Variants in FRYL observed in about 807,000 individuals in gnomAD.
FRYL encodes protein furry homolog-like.
In FRYL, 150 loss-of-function variants were observed where a neutral mutation model predicts 351.2. The observed-to-expected ratio is 0.43, with a 90% CI of 0.37 to 0.49. The LOEUF is 0.49. FRYL is among the 20% of genes least tolerant of loss of function. The pLI, the probability that FRYL is intolerant of heterozygous loss-of-function variation, is 0.00. For synonymous variants in FRYL, 1,153 were observed against 1,257.1 expected (o/e 0.92, Z 1.75); for missense variants, 3,036 against 3,619.3 (o/e 0.84, Z 4.13).
chr4:48,505,280 G>A, intron 60 of FRYL: 1 of 473,748 alleles, frequency 2.1e-6, no homozygotes, highest in Non-Finnish European at 3.9e-6. Context: ...AAGCCGACCT[G>A]GACTGTCCAG....
chr4:48,557,532 C>A lies in FRYL; in HGVS notation c.4046G>T (p.Arg1349Leu), dbSNP rs201697077. 6.8e-6 allele frequency: 11 copies of A among 1,614,114 alleles called. No individual in the cohort carries two copies. Among genetic ancestry groups the A allele is most frequent in the African/African-American group, 1.3e-5 (1 of 75,028 alleles). Residue 1349 changes from arginine to leucine, a missense_variant, in exon 34 of 64, where the codon CGC (arginine) becomes CTC (leucine). Physicochemically the swap from Arg to Leu is moderately radical, Grantham distance 102. Around this residue, in one of 7 missense-constraint regions of FRYL, gnomAD observed 1,987 missense variants for 2,311.7 expected, o/e 0.86. Coordinates refer to ENST00000358350, the MANE Select transcript of FRYL (RefSeq NM_015030.2). ...TCCCCATCCTTCTCCCCGTAACCAGCGCCTACTAGTCACCATAAGTTCTCG... is the reference window on the plus strand; with the variant it reads ...TCCCCATCCTTCTCCCCGTAACCAGAGCCTACTAGTCACCATAAGTTCTCG... Reference protein sequence around the residue: ...KDRELMVTSRRWLRGEGWGSP... With the variant: ...KDRELMVTSRLWLRGEGWGSP...
intron 4 of FRYL, 36 bp downstream of exon 4, chr4:48,634,255 G>C (rs765911025): frequency 3.9e-5 from 59 of 1,495,036 alleles, no homozygotes; most frequent in Non-Finnish European, 5.2e-5. Context: ...CAAAAGTCAA[G>C]AAAATATTTC....
intron 1 of FRYL, among the ~76,000 whole-genome samples, chr4:48,728,346 G>GA (rs796409650): frequency 4.0e-5 from 6 of 148,986 alleles, no homozygotes; most frequent in Non-Finnish European, 7.4e-5. Context: ...AAGAGTGGGG[G>GA]AAAAAAAAAC....
At chr4:48,779,469 G>C (rs1463368373) in intron 1 of FRYL, among the ~76,000 whole-genome samples, 1 of 152,152 alleles carries the variant, frequency 6.6e-6, no homozygotes, top group Non-Finnish European at 1.5e-5. Context: ...AGAGACCAGA[G>C]CAAGGGAAAA....
At chr4:48,727,203 T>C (rs1770175299) in intron 1 of FRYL, among the ~76,000 whole-genome samples, 1 of 151,932 alleles carries the variant, frequency 6.6e-6, no homozygotes, top group Non-Finnish European at 1.5e-5. Context: ...GAATACTGTA[T>C]AGCAACTTAA....
rs1291136743 is a variant in FRYL at position 48,612,412 on chromosome 4, A to AG, written c.412-2590dup. Among the ~76,000 whole-genome samples the AG allele has an allele frequency of 3.9e-5, 6 of 152,210 alleles. No homozygotes were observed. In the East Asian group the frequency reaches 1.2e-3, roughly 29 times the overall value. ...CAAAAAGTTTTTTCCTCCCCTATAC[A>AG]GTAATTCTTGTGTATCTACGGTTTT... On this transcript the variant is annotated intron_variant, in intron 7 of 63. Coordinates refer to ENST00000358350, the MANE Select transcript of FRYL (RefSeq NM_015030.2).
At position 48,710,610 on chromosome 4, in the gene FRYL, G is replaced by A. The variant is rs1227460715; in HGVS notation, c.-295C>T. On this transcript the variant is annotated 5_prime_UTR_variant, in exon 2 of 64. Coordinates refer to ENST00000358350, the MANE Select transcript of FRYL (RefSeq NM_015030.2). Reference sequence around the variant, plus strand: ...TAGAAGCTTTTTTGATCTGGAGCTTGTACTTTACAGGCACTCGAGTGGGCA... The same window carrying A: ...TAGAAGCTTTTTTGATCTGGAGCTTATACTTTACAGGCACTCGAGTGGGCA... 1 of 398,472 alleles carries A rather than the reference G, an allele frequency of 2.5e-6. No homozygotes were observed. Among genetic ancestry groups the A allele is most frequent in the African/African-American group, 2.1e-5 (1 of 48,634 alleles). 24.7% of individuals were successfully genotyped at this position (398,472 alleles called of 1,614,324 possible). A position where few individuals can be genotyped will look rare whatever the true frequency, so the allele number is the denominator to read the frequency against.
intron 32 of FRYL, among the ~76,000 whole-genome samples, chr4:48,562,318 T>C (rs977650152): frequency 6.6e-6 from 1 of 152,188 alleles, no homozygotes; most frequent in African/African-American, 2.4e-5. Context: ...ATTCCTAAGA[T>C]GGATCTACTG....
chr4:48,519,267 T>C (rs948203652), intron 55 of FRYL, among the ~76,000 whole-genome samples: 1 of 152,078 alleles, frequency 6.6e-6, no homozygotes, highest in Non-Finnish European at 1.5e-5. Flanking sequence ...CCTCCTCCCA[T>C]TTTACTCTCT....
intron 3 of FRYL, among the ~76,000 whole-genome samples, chr4:48,661,862 T>G (rs1760795735): frequency 6.6e-6 from 1 of 150,796 alleles, no homozygotes; most frequent in Non-Finnish European, 1.5e-5. Flanking sequence ...ATAAATACAA[T>G]GAAGAAGAAA....
chr4:48,679,373 A>G lies in FRYL; in HGVS notation c.-81+5300T>C, dbSNP rs1764271902. Among the ~76,000 whole-genome samples the G allele has an allele frequency of 3.9e-5, 6 of 152,284 alleles. 1 individual carries two copies. The South Asian group carries it at 1.2e-3, about 32-fold the overall frequency. On this transcript the variant is annotated intron_variant, in intron 3 of 63. Coordinates refer to ENST00000358350, the MANE Select transcript of FRYL (RefSeq NM_015030.2). ...AAGTATGGTTTCTCATAAATATACT[A>G]TTTTTTAAACTGACATGAAACGATG... is the stretch of plus-strand genomic sequence containing the variant.
At chr4:48,656,446 T>C (rs1759168469) in intron 3 of FRYL, among the ~76,000 whole-genome samples, 1 of 68,474 alleles carries the variant, frequency 1.5e-5, no homozygotes. Context: ...GTGTGTATAA[T>C]GTACATATAA....
intron 3 of FRYL, among the ~76,000 whole-genome samples, chr4:48,658,993 C>T (rs1374451282): frequency 3.3e-5 from 5 of 152,142 alleles, no homozygotes; most frequent in Admixed American, 6.5e-5. Flanking sequence ...TATTTACTTA[C>T]GCCTTCCTAT....
chr4:48,573,705 A>G (rs1009639927), intron 25 of FRYL, among the ~76,000 whole-genome samples: 4 of 151,958 alleles, frequency 2.6e-5, no homozygotes, highest in Admixed American at 1.3e-4. Context: ...ATGCACCACT[A>G]TGCCTGGCTA....
At chr4:48,633,112 C>A (rs1429885793) in intron 4 of FRYL, among the ~76,000 whole-genome samples, 1 of 152,058 alleles carries the variant, frequency 6.6e-6, no homozygotes. Context: ...CATCCCACAT[C>A]GAACCTACAC....
In FRYL at chr4:48,540,255, T is replaced by C. The variant is rs931045638; in HGVS notation, c.6295+98A>G. The stretch of plus-strand genomic sequence containing the variant: ...ACCTAGCGTATAAAAACTATGACTA[T>C]TTGCAAAAAGCAGAAATTAGTAGAT... On this transcript the variant is annotated intron_variant, in intron 46 of 63. Transcript: ENST00000358350. The C allele has an allele frequency of 3.6e-6, 5 of 1,389,738 alleles. No homozygotes were observed. The Admixed American group carries it at 1.1e-4, about 30-fold the overall frequency. The allele number at this position is 1,389,738 out of a possible 1,614,324, so 86.1% of individuals were successfully genotyped here.
intron 23 of FRYL, among the ~76,000 whole-genome samples, chr4:48,577,455 C>T (rs1246230454): frequency 1.3e-5 from 2 of 152,168 alleles, no homozygotes; most frequent in South Asian, 2.1e-4. Context: ...TGTTAGAAAA[C>T]GATCTAAGCA....
intron 1 of FRYL, among the ~76,000 whole-genome samples, chr4:48,744,194 T>C (rs1772422678): frequency 6.6e-6 from 1 of 151,496 alleles, no homozygotes; most frequent in Non-Finnish European, 1.5e-5. Flanking sequence ...TTTTTGGGGG[T>C]GATATAAATG....
chr4:48,541,060 A>C, intron 45 of FRYL, 100 bp from the exon 46 acceptor site: 1 of 1,195,092 alleles, frequency 8.4e-7, no homozygotes, highest in Non-Finnish European at 1.1e-6. Context: ...CTGGTACCAG[A>C]AAAATCATTT....
Sources: gnomAD v4.1 joint callset for allele counts (sites outside exome capture counted in the v4.1 genomes callset) on GRCh38, gnomAD v4.1.1 for gene constraint, gnomAD v4.1.1 regional missense constraint, MANE v1.5 for transcripts, NCBI Gene and HGNC (gene_info 2026-07-23, HGNC 2026-07-21) for gene names.